The following PAK1 variants were observed in gnomAD, a reference collection of about 807,000 sequenced individuals.
PAK1 encodes p21 (RAC1) activated kinase 1.
A neutral mutation model predicts 67.4 loss-of-function variants in PAK1; 29 were observed. The ratio of observed to expected loss-of-function variants is 0.43; its 90% CI spans 0.32 to 0.59. The LOEUF (loss-of-function observed/expected upper bound fraction) is 0.59. PAK1 is among the 20% of genes least tolerant of loss of function. The pLI, the probability that PAK1 is intolerant of heterozygous loss-of-function variation, is 0.07. For synonymous variants in PAK1, 223 were observed against 237.4 expected (o/e 0.94, Z 0.56); for missense variants, 337 against 670.7 (o/e 0.50, Z 5.50).
At chr11:77,490,340 G>GC in the PAK1 span, among the ~76,000 whole-genome samples, 2 of 50,544 alleles carry the variant, frequency 4.0e-5, no homozygotes, top group African/African-American at 2.1e-4. Flanking sequence ...GGGGGGGTCA[G>GC]CCCCCCACCC....
At chr11:77,450,795 G>A (rs188752284) in intron 1 of PAK1, among the ~76,000 whole-genome samples, 91 of 152,312 alleles carry the variant, frequency 6.0e-4, no homozygotes, top group Non-Finnish European at 1.1e-3. Flanking sequence ...TCAGTGGGCT[G>A]CAACTGCCTG....
At chr11:77,508,396 T>C in the PAK1 span, among the ~76,000 whole-genome samples, 1 of 152,188 alleles carries the variant, frequency 6.6e-6, no homozygotes, top group Non-Finnish European at 1.5e-5. Flanking sequence ...GAGGGGAGTG[T>C]GACAGCAGTA....
At chr11:77,499,249 G>C in the PAK1 span, among the ~76,000 whole-genome samples, 1 of 151,656 alleles carries the variant, frequency 6.6e-6, no homozygotes, top group African/African-American at 2.4e-5. Context: ...TTTGTGTTGA[G>C]ATGGGGTCTC....
At position 77,467,547 on chromosome 11, in the gene PAK1, AG is replaced by A. The variant is rs558469372; in HGVS notation, c.-22+6004del. Among the ~76,000 whole-genome samples the A allele has an allele frequency of 4.3e-3, 650 of 152,366 alleles. 3 individuals carry two copies. Among genetic ancestry groups the A allele is most frequent in the Non-Finnish European group, 7.4e-3 (502 of 68,024 alleles). On this transcript the variant is annotated intron_variant, in intron 1 of 14. Coordinates refer to ENST00000356341, the MANE Select transcript of PAK1 (RefSeq NM_002576.5). ...ATTTATGCAAAACATTGTTAATATA[AG>A]GCAGTGCTTCTCAACTTTGCATATC... is the stretch of plus-strand genomic sequence containing the variant.
At chr11:77,504,285 CA>C in the PAK1 span, among the ~76,000 whole-genome samples, 4,450 of 137,080 alleles carry the variant, frequency 0.032, 150 homozygotes, top group African/African-American at 0.093. Flanking sequence ...CTTTCTAAAG[CA>C]AAAAAAAAAA....
At chr11:77,510,659 T>C in the PAK1 span, among the ~76,000 whole-genome samples, 1 of 152,256 alleles carries the variant, frequency 6.6e-6, no homozygotes, top group African/African-American at 2.4e-5. Flanking sequence ...TTCTTTGCAA[T>C]TGATAATTTG....
the PAK1 span, among the ~76,000 whole-genome samples, chr11:77,504,732 G>C: frequency 6.6e-6 from 1 of 152,188 alleles, no homozygotes; most frequent in Non-Finnish European, 1.5e-5. Context: ...CTTAAGGATT[G>C]CTGAGGTAGG....
intron 1 of PAK1, among the ~76,000 whole-genome samples, chr11:77,407,947 CA>C (rs1953871236): frequency 6.6e-6 from 1 of 152,014 alleles, no homozygotes; most frequent in African/African-American, 2.4e-5. Context: ...AGTCTAGCCC[CA>C]AAAGTAGGCA....
At chr11:77,377,519 CAT>C (rs1453613545) in intron 4 of PAK1, among the ~76,000 whole-genome samples, 2 of 152,176 alleles carry the variant, frequency 1.3e-5, no homozygotes, top group Non-Finnish European at 2.9e-5. Context: ...CAATATTATT[CAT>C]ATGTGCATGC....
the PAK1 span, among the ~76,000 whole-genome samples, chr11:77,494,057 C>A: frequency 7.9e-5 from 12 of 152,280 alleles, no homozygotes; most frequent in African/African-American, 2.9e-4. Flanking sequence ...TCGGAAGGTA[C>A]TTTGACAGCA....
At chr11:77,332,937 C>A in intron 13 of PAK1, 70 bp from the exon 14 acceptor site, 1 of 1,435,340 alleles carries the variant, frequency 7.0e-7, no homozygotes, top group South Asian at 1.2e-5. Flanking sequence ...TATACAAGTT[C>A]TAGAAATATG....
intron 1 of PAK1, among the ~76,000 whole-genome samples, chr11:77,442,585 CT>C (rs1348795429): frequency 1.3e-5 from 2 of 152,170 alleles, no homozygotes; most frequent in Non-Finnish European, 2.9e-5. Context: ...GACTGCAGTC[CT>C]GGGCAACAGT....
At chr11:77,409,546 T>C (rs1240654778) in intron 1 of PAK1, among the ~76,000 whole-genome samples, 1 of 152,044 alleles carries the variant, frequency 6.6e-6, no homozygotes, top group East Asian at 1.9e-4. Flanking sequence ...AATGTGTATA[T>C]ACACAATATA....
chr11:77,503,838 C>T, the PAK1 span, among the ~76,000 whole-genome samples: 1 of 152,200 alleles, frequency 6.6e-6, no homozygotes, highest in African/African-American at 2.4e-5. Context: ...GGCAACAGAG[C>T]AAGACCTTGT....
At position 77,379,240 on chromosome 11, in the gene PAK1, C is replaced by T. The variant is rs1340583853; in HGVS notation, c.439+1G>A. ...GACTGCCCTGGACGCAGTTCTCATA[C>T]CTGTAAAGCTCATGTATTTCTGGCT... is the stretch of plus-strand genomic sequence containing the variant. On this transcript the variant is annotated splice_donor_variant, in intron 4 of 14. Coordinates refer to ENST00000356341, the MANE Select transcript of PAK1 (RefSeq NM_002576.5). LOFTEE classifies it high-confidence loss of function. 1.2e-6 allele frequency: 2 copies of T among 1,610,550 alleles called. No homozygotes were observed. The highest frequency in any genetic ancestry group is 8.5e-7 in the Non-Finnish European group (1 of 1,178,198).
intron 14 of PAK1, among the ~76,000 whole-genome samples, chr11:77,327,317 C>G (rs1288594752): frequency 6.6e-6 from 1 of 152,028 alleles, no homozygotes; most frequent in African/African-American, 2.4e-5. Flanking sequence ...AGAGCAACTC[C>G]AAGACACATA....
intron 1 of PAK1, among the ~76,000 whole-genome samples, chr11:77,454,896 G>C (rs1339959020): frequency 6.6e-6 from 1 of 152,076 alleles, no homozygotes; most frequent in Non-Finnish European, 1.5e-5. Context: ...TGTAGTTCAG[G>C]GATGGGCAGG....
At chr11:77,433,583 T>A (rs1955964783) in intron 1 of PAK1, among the ~76,000 whole-genome samples, 1 of 152,006 alleles carries the variant, frequency 6.6e-6, no homozygotes, top group Non-Finnish European at 1.5e-5. Flanking sequence ...ATCAAGACCA[T>A]CCTGGCTAAC....
intron 3 of PAK1, among the ~76,000 whole-genome samples, chr11:77,379,613 A>G (rs147567913): frequency 4.6e-5 from 7 of 152,274 alleles, no homozygotes; most frequent in Non-Finnish European, 5.9e-5. Flanking sequence ...TACCTCCAGG[A>G]TGGTAGGATA....
Sources: allele counts gnomAD v4.1 joint callset (sites outside exome capture counted in the v4.1 genomes callset), GRCh38; gene constraint gnomAD v4.1.1; transcripts MANE v1.5; gene names NCBI Gene and HGNC (gene_info 2026-07-23, HGNC 2026-07-21).